Variants in ATRNL1 observed in about 807,000 individuals in gnomAD.
ATRNL1 encodes the protein attractin like 1, also known as attractin-like protein 1.
In ATRNL1, 95 loss-of-function variants were observed where a neutral mutation model predicts 182.7. That is an observed-to-expected ratio of 0.52 (90% CI 0.44 to 0.62). The LOEUF is 0.62. Among genes scored for constraint, ATRNL1 ranks in the 20% least tolerant of loss-of-function variants. The pLI is 0.00. For synonymous variants in ATRNL1, 576 were observed against 568.3 expected, an observed-to-expected ratio of 1.01 and a Z score of -0.19; for missense variants, 1,471 against 1,679.5, an observed-to-expected ratio of 0.88 and a Z score of 2.17.
In ATRNL1 at chr10:115,729,495, T is replaced by TTGTGTGTGTGTGTG. The variant is rs139166434; in HGVS notation, c.3903+2168_3903+2181dup. 5.7e-3 allele frequency among the ~76,000 whole-genome samples: 806 copies of TTGTGTGTGTGTGTG among 142,142 alleles called. 8 individuals carry two copies. Among genetic ancestry groups the TTGTGTGTGTGTGTG allele is most frequent in the African/African-American group, 0.015 (580 of 37,842 alleles). 93.3% of individuals were successfully genotyped at this position (142,142 alleles called of 152,430 possible). On this transcript the variant is annotated intron_variant, in intron 27 of 28. Transcript: ENST00000355044. Reference sequence around the variant, plus strand: ...CAAGGCTTATTTCAGCTACCCCATTTTGTGTGTGTGTGTGTGTGTGTGTGT... The same window carrying TTGTGTGTGTGTGTG: ...CAAGGCTTATTTCAGCTACCCCATTTTGTGTGTGTGTGTGTGTGTGTGTGTGTGTGTGTGTGTGT...
At chr10:115,728,941 T>G (rs1555061632) in intron 27 of ATRNL1, among the ~76,000 whole-genome samples, 2 of 152,300 alleles carry the variant, frequency 1.3e-5, no homozygotes, top group South Asian at 2.1e-4. Flanking sequence ...CACAGAAAAC[T>G]TAGACTATTT....
chr10:115,670,686 A>G (rs1398756356), intron 26 of ATRNL1, among the ~76,000 whole-genome samples: 1 of 152,092 alleles, frequency 6.6e-6, no homozygotes, highest in Non-Finnish European at 1.5e-5. Flanking sequence ...CTTTCTCAAC[A>G]TTGATTAGAG....
chr10:115,878,910 GA>G (rs1392320506), intron 28 of ATRNL1, among the ~76,000 whole-genome samples: 60 of 152,140 alleles, frequency 3.9e-4, no homozygotes, highest in Non-Finnish European at 8.8e-5. Flanking sequence ...CAGTGGTAGG[GA>G]TCAGAAAAGA....
intron 22 of ATRNL1, among the ~76,000 whole-genome samples, chr10:115,465,962 T>C (rs781807538): frequency 4.6e-5 from 7 of 151,576 alleles, no homozygotes; most frequent in Non-Finnish European, 8.9e-5. Context: ...TGTTCTTCCA[T>C]GTAGGGAAAT....
At chr10:115,789,964 G>A (rs1949488423) in intron 27 of ATRNL1, among the ~76,000 whole-genome samples, 1 of 152,074 alleles carries the variant, frequency 6.6e-6, no homozygotes, top group South Asian at 2.1e-4. Context: ...AAGATTAAAG[G>A]CATTAATTAT....
chr10:115,320,657 G>C (rs1854535028), intron 18 of ATRNL1, among the ~76,000 whole-genome samples: 1 of 151,752 alleles, frequency 6.6e-6, no homozygotes, highest in Non-Finnish European at 1.5e-5. Context: ...CAAACTCTTA[G>C]ATTTTTTCTT....
intron 26 of ATRNL1, among the ~76,000 whole-genome samples, chr10:115,656,211 A>C (rs57352585): frequency 0.012 from 1,782 of 152,330 alleles, 36 homozygotes; most frequent in African/African-American, 0.04. Context: ...TTTATTAGCA[A>C]GAAATGAAAC....
At chr10:115,749,180 T>C (rs1948376864) in intron 27 of ATRNL1, among the ~76,000 whole-genome samples, 1 of 151,950 alleles carries the variant, frequency 6.6e-6, no homozygotes, top group Non-Finnish European at 1.5e-5. Flanking sequence ...GATATTCAAC[T>C]TTTTAAATAT....
At chr10:115,232,107 A>G (rs902636401) in intron 9 of ATRNL1, among the ~76,000 whole-genome samples, 2 of 152,174 alleles carry the variant, frequency 1.3e-5, no homozygotes, top group Admixed American at 6.6e-5. Flanking sequence ...CTATTGTTTC[A>G]CGACAGTTTG....
intron 20 of ATRNL1, among the ~76,000 whole-genome samples, chr10:115,407,568 C>A: frequency 6.6e-6 from 1 of 152,050 alleles, no homozygotes; most frequent in Non-Finnish European, 1.5e-5. Flanking sequence ...GGATTTCCTT[C>A]TTTTTAATGG....
At chr10:115,835,538 A>G (rs1555095137) in intron 27 of ATRNL1, among the ~76,000 whole-genome samples, 1 of 152,210 alleles carries the variant, frequency 6.6e-6, no homozygotes, top group Non-Finnish European at 1.5e-5. Flanking sequence ...GAAAGGCAAT[A>G]ATATAGCGGC....
chr10:115,355,855 T>A (rs974885265), intron 19 of ATRNL1, among the ~76,000 whole-genome samples: 1 of 152,134 alleles, frequency 6.6e-6, no homozygotes, highest in African/African-American at 2.4e-5. Flanking sequence ...TTTTGAATAG[T>A]AGGCTTATCT....
At chr10:115,273,825 A>C (rs1212168280) in intron 13 of ATRNL1, among the ~76,000 whole-genome samples, 1 of 152,160 alleles carries the variant, frequency 6.6e-6, no homozygotes, top group South Asian at 2.1e-4. Context: ...GGGCCTCTTC[A>C]TGTAACGTAG....
chr10:115,461,869 G>T (rs1039854710), intron 21 of ATRNL1, 72 bp from the exon 22 acceptor site: 2 of 879,298 alleles, frequency 2.3e-6, no homozygotes, highest in Non-Finnish European at 3.6e-6. Context: ...ACAATATATT[G>T]TAACCTAAAT....
chr10:115,362,948 C>G (rs1201297867), intron 19 of ATRNL1, among the ~76,000 whole-genome samples: 1 of 152,030 alleles, frequency 6.6e-6, no homozygotes, highest in Non-Finnish European at 1.5e-5. Flanking sequence ...GGTTCCAAGT[C>G]TTTGCTATTG....
intron 26 of ATRNL1, among the ~76,000 whole-genome samples, chr10:115,704,042 A>C (rs1295565645): frequency 6.6e-6 from 1 of 152,004 alleles, no homozygotes; most frequent in Non-Finnish European, 1.5e-5. Flanking sequence ...CAGATTTATT[A>C]AAGACAGTCA....
At chr10:115,231,165 G>T (rs1554899935) in intron 9 of ATRNL1, among the ~76,000 whole-genome samples, 1 of 152,120 alleles carries the variant, frequency 6.6e-6, no homozygotes, top group Non-Finnish European at 1.5e-5. Flanking sequence ...TCAAAGAGAT[G>T]AGGAGAAACA....
intron 28 of ATRNL1, among the ~76,000 whole-genome samples, chr10:115,903,983 A>G (rs1465767214): frequency 6.6e-6 from 1 of 152,112 alleles, no homozygotes; most frequent in Non-Finnish European, 1.5e-5. Context: ...GGACATGCCT[A>G]TGAAGGGTAC....
At chr10:115,811,549 A>G (rs868992679) in intron 27 of ATRNL1, among the ~76,000 whole-genome samples, 24 of 151,964 alleles carry the variant, frequency 1.6e-4, no homozygotes, top group African/African-American at 3.9e-4. Flanking sequence ...CTCAGAGAGG[A>G]GTGTTAAAAA....
Sources: gnomAD v4.1 joint callset for allele counts (sites outside exome capture counted in the v4.1 genomes callset) on GRCh38, gnomAD v4.1.1 for gene constraint, MANE v1.5 for transcripts, NCBI Gene and HGNC (gene_info 2026-07-23, HGNC 2026-07-21) for gene names.